The following ELF2 variants were observed in gnomAD, a reference collection of about 807,000 sequenced individuals.
ELF2 encodes E74 like ETS transcription factor 2.
Under a neutral mutation model 54.8 loss-of-function variants are expected in ELF2, and 11 were observed. The ratio of observed to expected loss-of-function variants is 0.20; its 90% CI spans 0.13 to 0.33. The LOEUF is 0.33. Among genes scored for constraint, ELF2 ranks in the 10% least tolerant of loss-of-function variants. The probability of loss-of-function intolerance (pLI) is 1.00; values close to 1 mark genes in which losing one functional copy is unlikely to be tolerated. For synonymous variants in ELF2, 203 were observed against 245.1 expected, an observed-to-expected ratio of 0.83 and a Z score of 1.61; for missense variants, 513 against 703.0, an observed-to-expected ratio of 0.73 and a Z score of 3.06.
chr4:139,161,043 C>T (rs78448679), intron 1 of ELF2, among the ~76,000 whole-genome samples: 2,643 of 152,184 alleles, frequency 0.017, 80 homozygotes, highest in East Asian at 0.12. Flanking sequence ...TGTGTGTATA[C>T]ACACACGTGT....
At chr4:139,087,371 T>A (rs1384866129) in intron 4 of ELF2, among the ~76,000 whole-genome samples, 2 of 152,230 alleles carry the variant, frequency 1.3e-5, no homozygotes, top group Non-Finnish European at 2.9e-5. Context: ...GTCCTTGGCA[T>A]CCCAAAGTGT....
In ELF2 at chr4:139,058,407, G is replaced by GTGTATATATATATATATATATA. The variant is rs1002583205; in HGVS notation, c.*575_*576insTATATATATATATATATATACA. 3 of 142,158 alleles carry GTGTATATATATATATATATATA rather than the reference G, an allele frequency of 2.1e-5. No individual in the cohort carries two copies. The highest frequency in any genetic ancestry group is 7.7e-5 in the African/African-American group (3 of 38,822). 8.8% of individuals were successfully genotyped at this position (142,158 alleles called of 1,614,324 possible). ...AGCTATATGATATATATATATGTAT[G>GTGTATATATATATATATATATA]TATATATATATATATATATATATAA... On this transcript the variant is annotated 3_prime_UTR_variant, in exon 10 of 10. Transcript: ENST00000686138.
At chr4:139,065,170 C>A (rs1728509031) in intron 7 of ELF2, among the ~76,000 whole-genome samples, 1 of 152,072 alleles carries the variant, frequency 6.6e-6, no homozygotes, top group East Asian at 1.9e-4. Flanking sequence ...ATCAAAATCC[C>A]TCATATTATC....
chr4:139,146,279 G>GC (rs1739217432), intron 1 of ELF2, among the ~76,000 whole-genome samples: 1 of 152,104 alleles, frequency 6.6e-6, no homozygotes, highest in Non-Finnish European at 1.5e-5. Context: ...TATAACAGCT[G>GC]CAAAAATATA....
At chr4:139,125,954 GAAC>G (rs1488267563) in intron 3 of ELF2, among the ~76,000 whole-genome samples, 6 of 152,020 alleles carry the variant, frequency 3.9e-5, no homozygotes, top group East Asian at 1.9e-4. Flanking sequence ...TTCCAGAGAG[GAAC>G]AACAATAGCA....
chr4:139,121,462 T>C (rs745379319), intron 4 of ELF2, among the ~76,000 whole-genome samples: 6 of 151,976 alleles, frequency 3.9e-5, no homozygotes, highest in Non-Finnish European at 8.8e-5. Context: ...AGTTCATTGG[T>C]ATAAACGTGG....
At position 139,059,415 on chromosome 4, in the gene ELF2, G is replaced by C. The variant is rs199832497; in HGVS notation, c.1350C>G (p.Asp450Glu). 1.1e-5 allele frequency: 18 copies of C among 1,613,956 alleles called. No individual in the cohort carries two copies. In the Admixed American group the frequency reaches 2.3e-4, roughly 21 times the overall value. ...TTTTGGCAGGCTGCATGGTGATTTT[G>C]TCTCCATTTTCAGTAGAAGCTGGCA... The part of the protein sequence containing the change: ...TVMPASTENG[D>E]KITMQPAKII... The change falls in exon 10 of 10, where the codon GAC (aspartate) becomes GAG (glutamate). Residue 450 changes from aspartate to glutamate, a missense_variant. Around this residue, in one of 3 missense-constraint regions of ELF2, gnomAD observed 291 missense variants for 366.1 expected, o/e 0.79. Transcript: ENST00000686138.
chr4:139,130,711 A>G (rs1331956727), intron 3 of ELF2, among the ~76,000 whole-genome samples: 1 of 152,222 alleles, frequency 6.6e-6, no homozygotes, highest in Non-Finnish European at 1.5e-5. Context: ...ATCGTAGTCA[A>G]TTTTTATATC....
At chr4:139,073,199 G>C (rs1341166720) in intron 5 of ELF2, among the ~76,000 whole-genome samples, 2 of 152,144 alleles carry the variant, frequency 1.3e-5, no homozygotes, top group African/African-American at 4.8e-5. Flanking sequence ...AAATAGACAT[G>C]ACAGTACAAA....
At chr4:139,163,465 A>T (rs1196500586) in intron 1 of ELF2, among the ~76,000 whole-genome samples, 1 of 152,214 alleles carries the variant, frequency 6.6e-6, no homozygotes, top group African/African-American at 2.4e-5. Context: ...AACTTTTCAC[A>T]ATGATAAGGA....
intron 4 of ELF2, among the ~76,000 whole-genome samples, chr4:139,109,808 G>T (rs1423731346): frequency 6.6e-6 from 1 of 152,158 alleles, no homozygotes; most frequent in African/African-American, 2.4e-5. Context: ...AGTCACTGGG[G>T]ATTCCAAAAG....
chr4:139,127,155 A>T (rs1385512300), intron 3 of ELF2, among the ~76,000 whole-genome samples: 1 of 152,224 alleles, frequency 6.6e-6, no homozygotes, highest in Non-Finnish European at 1.5e-5. Flanking sequence ...TGCCTGGATC[A>T]GCTAAGAACA....
chr4:139,175,940 G>C (rs750871095), intron 1 of ELF2, among the ~76,000 whole-genome samples: 1 of 152,212 alleles, frequency 6.6e-6, no homozygotes, highest in East Asian at 1.9e-4. Context: ...GTGCGATCTG[G>C]ATTATTCTTG....
chr4:139,163,008 G>A (rs1177724346), intron 1 of ELF2, among the ~76,000 whole-genome samples: 3 of 152,084 alleles, frequency 2.0e-5, no homozygotes, highest in Non-Finnish European at 4.4e-5. Flanking sequence ...TAAGACAGGA[G>A]GATCCCTTGA....
intron 4 of ELF2, among the ~76,000 whole-genome samples, chr4:139,078,571 ATTC>A (rs995124591): frequency 1.4e-5 from 2 of 144,912 alleles, no homozygotes; most frequent in African/African-American, 5.2e-5. Flanking sequence ...AAGAATGGCA[ATTC>A]TTTTTTTTTT....
At chr4:139,086,293 A>C (rs1731973677) in intron 4 of ELF2, among the ~76,000 whole-genome samples, 1 of 152,216 alleles carries the variant, frequency 6.6e-6, no homozygotes, top group Admixed American at 6.5e-5. Context: ...GGGAAAAAAC[A>C]GGGTCAAGAA....
chr4:139,060,175 AAATAT>A, intron 9 of ELF2, 144 bp downstream of exon 9: 1 of 735,658 alleles, frequency 1.4e-6, no homozygotes, highest in Non-Finnish European at 2.1e-6. Flanking sequence ...CAACAATAAA[AAATAT>A]AATTAAAACA....
chr4:139,084,686 A>G (rs946256491), intron 4 of ELF2, among the ~76,000 whole-genome samples: 3 of 152,188 alleles, frequency 2.0e-5, no homozygotes, highest in Non-Finnish European at 2.9e-5. Flanking sequence ...CCCTCTGGAA[A>G]AGAGCCATTA....
rs1301267834 is a variant in ELF2 at position 139,139,417 on chromosome 4, T to C, written c.-171A>G. On this transcript the variant is annotated 5_prime_UTR_variant, in exon 2 of 10. Transcript: ENST00000686138. ...GCAGAAATAAATTTTACTTACAGTTTGTATGTTAAGTAGTCTAAGCATCCT... is the reference window on the plus strand; with the variant it reads ...GCAGAAATAAATTTTACTTACAGTTCGTATGTTAAGTAGTCTAAGCATCCT... 1 of 1,225,148 alleles carries C rather than the reference T, an allele frequency of 8.2e-7. No homozygotes were observed. The highest frequency in any genetic ancestry group is 3.2e-5 in the East Asian group (1 of 31,494). 75.9% of individuals were successfully genotyped at this position (1,225,148 alleles called of 1,614,324 possible). A position where few individuals can be genotyped will look rare whatever the true frequency, so the allele number is the denominator to read the frequency against.
Sources: gnomAD v4.1 joint callset for allele counts (sites outside exome capture counted in the v4.1 genomes callset) on GRCh38, gnomAD v4.1.1 for gene constraint, gnomAD v4.1.1 regional missense constraint, MANE v1.5 for transcripts, NCBI Gene and HGNC (gene_info 2026-07-23, HGNC 2026-07-21) for gene names.